The following PEPD variants were observed in gnomAD, a reference collection of about 807,000 sequenced individuals.
PEPD encodes the protein peptidase D, also known as xaa-Pro dipeptidase.
PEPD carries 53 observed loss-of-function variants against 60.7 expected under a neutral mutation model. That is an observed-to-expected ratio of 0.87 (90% CI 0.70 to 1.10). The LOEUF (loss-of-function observed/expected upper bound fraction) is 1.10, where lower values mean the gene tolerates loss of function less well. Ranked by LOEUF, PEPD falls within the 50% of genes least tolerant of loss-of-function variation. PEPD has a pLI of 0.00. For synonymous variants in PEPD, 267 were observed against 284.1 expected (o/e 0.94, Z 0.60); for missense variants, 711 against 711.9 (o/e 1.00, Z 0.01).
intron 9 of PEPD, among the ~76,000 whole-genome samples, chr19:33,417,687 G>A (rs1178900588): frequency 1.3e-5 from 2 of 152,152 alleles, no homozygotes; most frequent in Admixed American, 6.5e-5. Context: ...CCTAGCCATC[G>A]TGGTCACTGT....
In PEPD at chr19:33,452,251, G is replaced by A. The variant is rs191845565; in HGVS notation, c.671+10744C>T. Among the ~76,000 whole-genome samples, 95 of 152,134 alleles carry A rather than the reference G, an allele frequency of 6.2e-4. No individual in the cohort carries two copies. The South Asian group carries it at 9.1e-3, about 15-fold the overall frequency. ...TGGGAAATGAAAAGAAATACACTAG[G>A]TTAGTTCTTAGGTTCAAAAACAAAT... On this transcript the variant is annotated intron_variant, in intron 9 of 14. Coordinates refer to ENST00000244137, the MANE Select transcript of PEPD (RefSeq NM_000285.4).
intron 1 of PEPD, among the ~76,000 whole-genome samples, chr19:33,520,060 G>A (rs145523566): frequency 0.046 from 6,694 of 145,380 alleles, 503 homozygotes; most frequent in African/African-American, 0.16. Flanking sequence ...GCAAAACTAC[G>A]TCTCAAAAAA....
chr19:33,390,352 A>G (rs1490473570), intron 13 of PEPD, among the ~76,000 whole-genome samples: 2 of 152,270 alleles, frequency 1.3e-5, no homozygotes, highest in Non-Finnish European at 2.9e-5. Context: ...TTAGGAAATT[A>G]AAACTGATTT....
At chr19:33,448,676 G>A (rs2145247042) in intron 9 of PEPD, among the ~76,000 whole-genome samples, 1 of 152,092 alleles carries the variant, frequency 6.6e-6, no homozygotes, top group Non-Finnish European at 1.5e-5. Context: ...GAAAAGAGTC[G>A]GCTTCAGTGC....
intron 1 of PEPD, among the ~76,000 whole-genome samples, chr19:33,521,416 G>C (rs1422180612): frequency 6.6e-6 from 1 of 152,194 alleles, no homozygotes; most frequent in Non-Finnish European, 1.5e-5. Flanking sequence ...TGGGGTCCTC[G>C]CAACGCCGCC....
intron 12 of PEPD, among the ~76,000 whole-genome samples, chr19:33,399,956 T>G (rs1968450410): frequency 6.6e-6 from 1 of 151,956 alleles, no homozygotes; most frequent in Non-Finnish European, 1.5e-5. Flanking sequence ...TTAAGTAAGG[T>G]ACCTGGCCAG....
intron 4 of PEPD, among the ~76,000 whole-genome samples, chr19:33,500,454 C>G (rs56098474): frequency 6.6e-6 from 1 of 152,222 alleles, no homozygotes. Context: ...CCAGGCCACA[C>G]GACACCTGCT....
chr19:33,441,933 G>C (rs149221648), intron 9 of PEPD, among the ~76,000 whole-genome samples: 4 of 152,242 alleles, frequency 2.6e-5, no homozygotes, highest in Non-Finnish European at 4.4e-5. Context: ...AGTAACTACC[G>C]GGTTGGAAGA....
intron 7 of PEPD, among the ~76,000 whole-genome samples, chr19:33,470,367 C>G (rs371092807): frequency 1.3e-5 from 2 of 152,102 alleles, no homozygotes; most frequent in African/African-American, 4.8e-5. Context: ...GCACAACTCA[C>G]GTAGGTGCAG....
At chr19:33,439,484 C>T (rs1171671893) in intron 9 of PEPD, among the ~76,000 whole-genome samples, 2 of 152,232 alleles carry the variant, frequency 1.3e-5, no homozygotes, top group Admixed American at 1.3e-4. Context: ...GGGCCTAGGC[C>T]AGGGCGGGCT....
chr19:33,515,337 T>G (rs1250498772), intron 1 of PEPD, among the ~76,000 whole-genome samples: 1 of 152,074 alleles, frequency 6.6e-6, no homozygotes, highest in Admixed American at 6.5e-5. Context: ...CTCCCCCACG[T>G]GCCCTTCCTA....
chr19:33,398,137 G>A (rs530222531), intron 12 of PEPD, among the ~76,000 whole-genome samples: 13 of 152,334 alleles, frequency 8.5e-5, no homozygotes, highest in African/African-American at 2.9e-4. Flanking sequence ...TCAATCCGCC[G>A]CCCTGCTCCC....
chr19:33,509,279 G>A (rs1970875791), intron 3 of PEPD, among the ~76,000 whole-genome samples: 1 of 152,238 alleles, frequency 6.6e-6, no homozygotes, highest in African/African-American at 2.4e-5. Flanking sequence ...TCCACTCCGT[G>A]CCCTTCTTCC....
intron 4 of PEPD, among the ~76,000 whole-genome samples, chr19:33,496,677 TCA>T (rs200405940): frequency 0.069 from 10,551 of 152,274 alleles, 852 homozygotes; most frequent in African/African-American, 0.19. Flanking sequence ...TGGGGACCTC[TCA>T]CACCCTGCGC....
At chr19:33,515,412 G>A (rs1015790596) in intron 1 of PEPD, among the ~76,000 whole-genome samples, 1 of 152,138 alleles carries the variant, frequency 6.6e-6, no homozygotes, top group Non-Finnish European at 1.5e-5. Flanking sequence ...TCTGGGCTGG[G>A]GCTGCTTTTC....
chr19:33,404,356 G>C (rs1267167087), intron 11 of PEPD, among the ~76,000 whole-genome samples: 1 of 152,194 alleles, frequency 6.6e-6, no homozygotes, highest in African/African-American at 2.4e-5. Flanking sequence ...TTCCTAGGAG[G>C]CGCCAAATCA....
At chr19:33,468,081 C>T (rs952670718) in intron 7 of PEPD, among the ~76,000 whole-genome samples, 1 of 152,092 alleles carries the variant, frequency 6.6e-6, no homozygotes, top group Non-Finnish European at 1.5e-5. Flanking sequence ...AGGCACGAGC[C>T]CTTTCGGTTT....
chr19:33,479,054 C>T (rs1970270109), intron 6 of PEPD, among the ~76,000 whole-genome samples: 1 of 152,108 alleles, frequency 6.6e-6, no homozygotes, highest in Admixed American at 6.5e-5. Flanking sequence ...CATGCCATAA[C>T]AGCACAAAAG....
chr19:33,493,010 G>A (rs895421160), intron 5 of PEPD, among the ~76,000 whole-genome samples: 1 of 152,162 alleles, frequency 6.6e-6, no homozygotes, highest in East Asian at 1.9e-4. Context: ...CCAAGTAGCT[G>A]GGACCACAAG....
Sources: allele counts gnomAD v4.1 joint callset (sites outside exome capture counted in the v4.1 genomes callset), GRCh38; gene constraint gnomAD v4.1.1; transcripts MANE v1.5; gene names NCBI Gene and HGNC (gene_info 2026-07-23, HGNC 2026-07-21).